The following KIF13A variants were observed in gnomAD, a reference collection of about 807,000 sequenced individuals.
The protein encoded by KIF13A is kinesin-like protein KIF13A.
In KIF13A, 79 loss-of-function variants were observed where a neutral mutation model predicts 212.2. The observed-to-expected ratio is 0.37, with a 90% CI of 0.31 to 0.45. KIF13A has a LOEUF of 0.45. Ranked by LOEUF, KIF13A falls within the 20% of genes least tolerant of loss-of-function variation. The pLI is 1.00. For missense variants in KIF13A, 1,901 were observed against 2,209.0 expected (o/e 0.86, Z 2.79); for synonymous variants, 789 against 808.6 (o/e 0.98, Z 0.41).
rs1762317561 is a variant in KIF13A, at chr6:17,799,601, T to C, written c.2617-162A>G. ...GTGACACTAAGGGTTGTATCGATAA[T>C]GAAATCTGTACCACAGTTCTGTAAC... On this transcript the variant is annotated intron_variant, in intron 21 of 38. Transcript: ENST00000259711. The surrounding 1 kb of genome is among the most constrained non-coding windows in gnomAD (Gnocchi z 4.4). Among the ~76,000 whole-genome samples, 1 of 152,176 alleles carries C rather than the reference T, an allele frequency of 6.6e-6. No individual in the cohort carries two copies. Among genetic ancestry groups the C allele is most frequent in the Non-Finnish European group, 1.5e-5 (1 of 68,026 alleles).
In KIF13A at chr6:17,872,302, G is replaced by A. The variant is rs1340766051; in HGVS notation, c.220+1075C>T. Among the ~76,000 whole-genome samples, 7 of 152,188 alleles carry A rather than the reference G, an allele frequency of 4.6e-5. No homozygotes were observed. The highest frequency in any genetic ancestry group is 2.1e-4 in the South Asian group (1 of 4,824). On this transcript the variant is annotated intron_variant, in intron 4 of 38. Transcript: ENST00000259711. The surrounding 1 kb of genome is among the most constrained non-coding windows in gnomAD (Gnocchi z 4.7). The stretch of plus-strand genomic sequence containing the variant: ...GTGCTTTTACCTCCAAATCTTTTAA[G>A]GCCAATATCCTCCCTTCATTTTTTT...
rs918305903 is a variant in KIF13A, at chr6:17,785,066, A to G, written c.3488+449T>C. ...AGCAGCTAGGATTTAATGAATGGGT[A>G]TGAAAGGTGTTTTATACACATTACA... On this transcript the variant is annotated intron_variant, in intron 28 of 38. Transcript: ENST00000259711. The surrounding 1 kb of genome is among the most constrained non-coding windows in gnomAD (Gnocchi z 5.8). 5.3e-5 allele frequency among the ~76,000 whole-genome samples: 8 copies of G among 152,224 alleles called. No individual in the cohort carries two copies. The highest frequency in any genetic ancestry group is 1.9e-4 in the African/African-American group (8 of 41,454).
chr6:17,943,010 CA>C (rs1290995646), intron 2 of KIF13A, among the ~76,000 whole-genome samples: 2 of 151,340 alleles, frequency 1.3e-5, no homozygotes, highest in Non-Finnish European at 3.0e-5. Flanking sequence ...AAACAAAAAA[CA>C]AAAAAAAGAG....
chr6:17,942,776 G>A lies in KIF13A; in HGVS notation c.146+44278C>T, dbSNP rs964104420. Among the ~76,000 whole-genome samples the A allele has an allele frequency of 5.3e-5, 8 of 152,122 alleles. No individual in the cohort carries two copies. The East Asian group carries it at 1.2e-3, about 22-fold the overall frequency. ...GTAGATACCCTGAGGTCAGGAGTTC[G>A]AGACCAGCCTGGCCAACATGGTGAA... On this transcript the variant is annotated intron_variant, in intron 2 of 38. Coordinates refer to ENST00000259711, the MANE Select transcript of KIF13A (RefSeq NM_022113.6).
chr6:17,826,025 A>G lies in KIF13A; in HGVS notation c.1619+13T>C. ...TGTATACGAAAATATATTACAGAAC[A>G]CAAAGATGTTACCTAAAAAAGTGAT... On this transcript the variant is annotated intron_variant, in intron 15 of 38. Transcript: ENST00000259711. This position sits in a 1 kb window ranked among gnomAD's most constrained non-coding sequence, Gnocchi z 4.7. 1 of 1,612,874 alleles carries G rather than the reference A, an allele frequency of 6.2e-7. No individual in the cohort carries two copies. The highest frequency in any genetic ancestry group is 1.3e-5 in the African/African-American group (1 of 75,028).
chr6:17,805,694 A>G, intron 18 of KIF13A, 79 bp from the exon 19 acceptor site: 1 of 1,315,418 alleles, frequency 7.6e-7, no homozygotes, highest in Non-Finnish European at 1.0e-6. Flanking sequence ...TACAACAGTA[A>G]CACAGTAAGT....
chr6:17,777,910 G>C lies in KIF13A; in HGVS notation c.4093-556C>G, dbSNP rs1475066045. Among the ~76,000 whole-genome samples the C allele has an allele frequency of 2.0e-5, 3 of 152,122 alleles. No individual in the cohort carries two copies. The highest frequency in any genetic ancestry group is 4.4e-5 in the Non-Finnish European group (3 of 68,032). On this transcript the variant is annotated intron_variant, in intron 33 of 38. Coordinates refer to ENST00000259711, the MANE Select transcript of KIF13A (RefSeq NM_022113.6). This position sits in a 1 kb window ranked among gnomAD's most constrained non-coding sequence, Gnocchi z 4.4. ...TAATCCCAGCACTCTGGGAGGCTGAGGCAGGTGGATCACAGACAGGAGTTC... is the reference window on the plus strand; with the variant it reads ...TAATCCCAGCACTCTGGGAGGCTGACGCAGGTGGATCACAGACAGGAGTTC...
rs1781680569 is a variant in KIF13A at position 17,987,495 on chromosome 6, C to A, written c.-32G>T. 20 of 1,232,732 alleles carry A rather than the reference C, an allele frequency of 1.6e-5. No homozygotes were observed. Among genetic ancestry groups the A allele is most frequent in the Admixed American group, 2.6e-5 (1 of 38,374 alleles). 76.4% of individuals were successfully genotyped at this position (1,232,732 alleles called of 1,614,324 possible). On this transcript the variant is annotated 5_prime_UTR_variant, in exon 1 of 39. Coordinates refer to ENST00000259711, the MANE Select transcript of KIF13A (RefSeq NM_022113.6). The surrounding 1 kb of genome is among the most constrained non-coding windows in gnomAD (Gnocchi z 7.7). ...TGCGCTCGCCCGGCCGCTCGCCGCG[C>A]CCGCTCGGCCTTAGGCGGCCCCTCA...
At position 17,951,437 on chromosome 6, in the gene KIF13A, T is replaced by TAAAAA; in HGVS notation, c.146+35612_146+35616dup. 6.3e-6 allele frequency: 3 copies of TAAAAA among 477,462 alleles called. No individual in the cohort carries two copies. The highest frequency in any genetic ancestry group is 1.1e-5 in the Non-Finnish European group (3 of 269,750). 29.6% of individuals were successfully genotyped at this position (477,462 alleles called of 1,614,324 possible). ...TGAGCCACTGTGACCAGCCTCAATT[T>TAAAAA]AAAAAAAAAAAAAAAACAGCTTTAA... On this transcript the variant is annotated intron_variant, in intron 2 of 38. Coordinates refer to ENST00000259711, the MANE Select transcript of KIF13A (RefSeq NM_022113.6). The surrounding 1 kb of genome is among the most constrained non-coding windows in gnomAD (Gnocchi z 4.9).
rs1448636609 is a variant in KIF13A at position 17,897,227 on chromosome 6, C to A, written c.159+941G>T. ...GCTAAGATGGATTGTTCTTCATAAC[C>A]CCAGGGGAAAGTAAGCTTTGTCTTT... On this transcript the variant is annotated intron_variant, in intron 3 of 38. Coordinates refer to ENST00000259711, the MANE Select transcript of KIF13A (RefSeq NM_022113.6). The surrounding 1 kb of genome is among the most constrained non-coding windows in gnomAD (Gnocchi z 4.8). Among the ~76,000 whole-genome samples, 4 of 152,048 alleles carry A rather than the reference C, an allele frequency of 2.6e-5. No homozygotes were observed. The highest frequency in any genetic ancestry group is 5.9e-5 in the Non-Finnish European group (4 of 68,024).
chr6:17,835,195 C>CAAAAAAAAAAAAAAAAAAAAAA (rs61697144), intron 11 of KIF13A, among the ~76,000 whole-genome samples: 1 of 45,952 alleles, frequency 2.2e-5, no homozygotes, highest in Non-Finnish European at 4.1e-5. Context: ...CCGCCCCCGC[C>CAAAAAAAAAAAAAAAAAAAAAA]AAAAAAAAAA....
chr6:17,958,992 C>T (rs1436772356), intron 2 of KIF13A, among the ~76,000 whole-genome samples: 2 of 151,116 alleles, frequency 1.3e-5, no homozygotes, highest in Non-Finnish European at 2.9e-5. Context: ...GCAATCCTCC[C>T]GCCTCAGCCT....
intron 2 of KIF13A, among the ~76,000 whole-genome samples, chr6:17,939,048 A>C (rs1394934854): frequency 6.6e-6 from 1 of 152,098 alleles, no homozygotes; most frequent in Non-Finnish European, 1.5e-5. Context: ...TTCCTTCAAG[A>C]CCTCCATTAT....
intron 2 of KIF13A, among the ~76,000 whole-genome samples, chr6:17,953,063 G>A (rs1778017632): frequency 1.3e-5 from 2 of 152,160 alleles, no homozygotes; most frequent in African/African-American, 4.8e-5. Context: ...ACTGTTTACA[G>A]TGAAAAATTG....
At chr6:17,813,347 G>C (rs1763605055) in intron 17 of KIF13A, among the ~76,000 whole-genome samples, 2 of 152,100 alleles carry the variant, frequency 1.3e-5, no homozygotes, top group Non-Finnish European at 2.9e-5. Context: ...AGGTATTGTG[G>C]TGGGCACTTG....
rs1035396588 is a variant in KIF13A, at chr6:17,861,327, A to G, written c.221-5205T>C. ...AATGCATTCTGTTTTAAGACAAGAA[A>G]TAATGAACATTTTCCCATCTCTACA... On this transcript the variant is annotated intron_variant, in intron 4 of 38. Coordinates refer to ENST00000259711, the MANE Select transcript of KIF13A (RefSeq NM_022113.6). Among the ~76,000 whole-genome samples, 4 of 152,242 alleles carry G rather than the reference A, an allele frequency of 2.6e-5. No homozygotes were observed. In the South Asian group the frequency reaches 8.3e-4, roughly 32 times the overall value.
rs1561786396 is a variant in KIF13A, at chr6:17,941,805, T to A, written c.147-43625A>T. ...ATACATTTGCTTTTTTTTTTTTTGG[T>A]TCCCAATTCACAGTAGATGTTCTAA... On this transcript the variant is annotated intron_variant, in intron 2 of 38. Coordinates refer to ENST00000259711, the MANE Select transcript of KIF13A (RefSeq NM_022113.6). Among the ~76,000 whole-genome samples, 4 of 151,404 alleles carry A rather than the reference T, an allele frequency of 2.6e-5. No homozygotes were observed. In the South Asian group the frequency reaches 6.3e-4, roughly 24 times the overall value.
At chr6:17,973,631 A>C (rs377576792) in intron 2 of KIF13A, among the ~76,000 whole-genome samples, 272 of 152,288 alleles carry the variant, frequency 1.8e-3, no homozygotes, top group African/African-American at 6.3e-3. Context: ...GAAAAAAAAA[A>C]CCCTTACAGA....
Position 17,771,121 on chromosome 6 carries a change from T to A in KIF13A, c.4574A>T (p.Lys1525Met). The change falls in exon 38 of 39, where the codon AAG becomes ATG. Residue 1525 changes from lysine (K) to methionine (M), a missense_variant. By Grantham distance (95) the Lys-to-Met change is moderately conservative. Transcript: ENST00000259711. This position sits in a 1 kb window ranked among gnomAD's most constrained non-coding sequence, Gnocchi z 5.4. ...AATGGTTCCGGAACTTACAATCTTC[T>A]TCTCACGTTTGCTATTGTGTTCTAC... ...MPVEHNSKRE[K>M]KIDSEEEENE... is the part of the protein sequence containing the mutation. The A allele has an allele frequency of 6.2e-7, 1 of 1,608,024 alleles. No individual in the cohort carries two copies. Among genetic ancestry groups the A allele is most frequent in the Non-Finnish European group, 8.5e-7 (1 of 1,175,294 alleles).
Sources: allele counts gnomAD v4.1 joint callset (sites outside exome capture counted in the v4.1 genomes callset), GRCh38; gene constraint gnomAD v4.1.1; non-coding constraint Gnocchi (gnomAD v3.1); transcripts MANE v1.5; gene names NCBI Gene and HGNC (gene_info 2026-07-23, HGNC 2026-07-21).